ANXA7: variants seen among roughly 807,000 people sequenced by gnomAD.
ANXA7 encodes the protein annexin A7.
A neutral mutation model predicts 64.9 loss-of-function variants in ANXA7; 55 were observed. That is an observed-to-expected ratio of 0.85 (90% CI 0.68 to 1.06). The LOEUF (loss-of-function observed/expected upper bound fraction) is 1.06, where lower values mean the gene tolerates loss of function less well. Among genes scored for constraint, ANXA7 ranks in the 50% least tolerant of loss-of-function variants. ANXA7 has a pLI of 0.00. For missense variants in ANXA7, 548 were observed against 582.1 expected (o/e 0.94, Z 0.60); for synonymous variants, 200 against 192.4 (o/e 1.04, Z -0.33).
intron 1 of ANXA7, among the ~76,000 whole-genome samples, chr10:73,413,129 G>C (rs1391653537): frequency 6.6e-6 from 1 of 152,120 alleles, no homozygotes; most frequent in Admixed American, 6.5e-5. Flanking sequence ...TCCTCTGCAC[G>C]GACAGGTAGG....
intron 9 of ANXA7, among the ~76,000 whole-genome samples, chr10:73,382,190 A>G (rs899765467): frequency 2.0e-5 from 3 of 152,170 alleles, no homozygotes; most frequent in African/African-American, 7.2e-5. Context: ...TTGGCTCTTA[A>G]GAGCCCCTCC....
chr10:73,412,118 C>T (rs1332678718), intron 1 of ANXA7, among the ~76,000 whole-genome samples: 1 of 152,106 alleles, frequency 6.6e-6, no homozygotes, highest in Non-Finnish European at 1.5e-5. Context: ...CTTACTGCAA[C>T]CTCCGCCTCC....
rs764595266 is a variant in ANXA7 at position 73,376,128 on chromosome 10, G to C, written c.1368C>G (p.Tyr456Ter). The C allele has an allele frequency of 3.1e-6, 5 of 1,601,668 alleles. No homozygotes were observed. The highest frequency in any genetic ancestry group is 4.3e-6 in the Non-Finnish European group (5 of 1,175,032). The stretch of plus-strand genomic sequence containing the variant: ...CCACAATAGCCAGAAGAAGTCTTCG[G>C]TAATCTCCACTCGTGTCACCTGCAA... Reference protein sequence around the residue: ...TMIAGDTSGDYRRLLLAIVGQ With the variant: ...TMIAGDTSGD Residue 456 changes from tyrosine to a stop codon, truncating the protein, a stop_gained, in exon 13 of 13, where the codon TAC becomes TAG. Coordinates refer to ENST00000372921, the MANE Select transcript of ANXA7 (RefSeq NM_001156.5). LOFTEE classifies it high-confidence loss of function.
At chr10:73,387,309 G>A (rs1017210673) in intron 7 of ANXA7, among the ~76,000 whole-genome samples, 4 of 152,054 alleles carry the variant, frequency 2.6e-5, no homozygotes, top group African/African-American at 9.7e-5. Flanking sequence ...GAGGTCAGGA[G>A]TTAGAGACCA....
At chr10:73,409,911 G>C (rs913644248) in intron 1 of ANXA7, among the ~76,000 whole-genome samples, 1 of 152,058 alleles carries the variant, frequency 6.6e-6, no homozygotes, top group Non-Finnish European at 1.5e-5. Flanking sequence ...ACAAAAATTG[G>C]GGAATGGACA....
chr10:73,376,324 G>A, intron 12 of ANXA7, 107 bp from the exon 13 acceptor site: 4 of 1,078,614 alleles, frequency 3.7e-6, no homozygotes, highest in Non-Finnish European at 3.8e-6. Context: ...ACTTGGGGGG[G>A]AAAACACCAA....
intron 1 of ANXA7, among the ~76,000 whole-genome samples, chr10:73,406,249 C>T (rs1164954667): frequency 1.3e-5 from 2 of 152,196 alleles, no homozygotes; most frequent in African/African-American, 2.4e-5. Context: ...AGCCACTGCG[C>T]CCGGCCAAAA....
chr10:73,397,553 G>A (rs1056161043), intron 3 of ANXA7, among the ~76,000 whole-genome samples: 1 of 152,108 alleles, frequency 6.6e-6, no homozygotes, highest in African/African-American at 2.4e-5. Context: ...TACCTACCAC[G>A]TTCAAGTGAT....
Position 73,379,864 on chromosome 10 carries a change from AC to A in ANXA7, c.1165+14del. ...ATTTAAAAAGAAAATAAAGCAAAGC[AC>A]AAAAATATCTTACAGATGGTCTTCA... is the stretch of plus-strand genomic sequence containing the variant. On this transcript the variant is annotated intron_variant, in intron 11 of 12. Transcript: ENST00000372921. 6.2e-7 allele frequency: 1 copy of A among 1,612,480 alleles called. No individual in the cohort carries two copies. Among genetic ancestry groups the A allele is most frequent in the Middle Eastern group, 1.7e-4 (1 of 6,050 alleles).
At position 73,397,068 on chromosome 10, in the gene ANXA7, T is replaced by C. The variant is rs1258205446; in HGVS notation, c.370+96A>G. The C allele has an allele frequency of 9.9e-6, 5 of 502,690 alleles. No individual in the cohort carries two copies. In the East Asian group the frequency reaches 1.6e-4, roughly 16 times the overall value. 31.1% of individuals were successfully genotyped at this position (502,690 alleles called of 1,614,324 possible). On this transcript the variant is annotated intron_variant, in intron 4 of 12. Coordinates refer to ENST00000372921, the MANE Select transcript of ANXA7 (RefSeq NM_001156.5). The stretch of plus-strand genomic sequence containing the variant: ...TATTTATGGAAATATAAACATTTAT[T>C]GCAGATTATCTCAAATATAAACTAA...
chr10:73,393,900 A>G (rs1165848335), intron 5 of ANXA7, among the ~76,000 whole-genome samples: 3 of 152,262 alleles, frequency 2.0e-5, no homozygotes, highest in Non-Finnish European at 2.9e-5. Flanking sequence ...GGCAAAAGAA[A>G]CTACCATCAG....
chr10:73,391,185 A>G (rs1718112220), intron 5 of ANXA7, among the ~76,000 whole-genome samples: 1 of 151,664 alleles, frequency 6.6e-6, no homozygotes, highest in Non-Finnish European at 1.5e-5. Flanking sequence ...AAAAAAAAAA[A>G]AAGAGAGAAA....
intron 1 of ANXA7, among the ~76,000 whole-genome samples, chr10:73,406,868 C>T (rs112093254): frequency 6.6e-6 from 1 of 151,554 alleles, no homozygotes; most frequent in Non-Finnish European, 1.5e-5. Flanking sequence ...ACCACACCCA[C>T]CCTCTATTTA....
chr10:73,395,793 A>G, intron 5 of ANXA7: 1 of 534,294 alleles, frequency 1.9e-6, no homozygotes, highest in South Asian at 1.7e-5. Flanking sequence ...TCTCAAAAAA[A>G]AAAAAAAAGA....
At chr10:73,395,845 C>T (rs7096747) in intron 5 of ANXA7, 11,413 of 666,966 alleles carry the variant, frequency 0.017, 659 homozygotes, top group African/African-American at 0.15. Flanking sequence ...ATAGGAAACT[C>T]TGCAGCTAAT....
rs768293077 is a variant in ANXA7 at position 73,379,014 on chromosome 10, G to A, written c.1175C>T (p.Ala392Val). 1.1e-5 allele frequency: 17 copies of A among 1,608,696 alleles called. No homozygotes were observed. The highest frequency in any genetic ancestry group is 1.4e-5 in the Non-Finnish European group (16 of 1,177,424). Reference sequence around the variant, plus strand: ...AGCAAAGAAGGCAGGGCGGTTCAGGGCACACTGCACTGCAAGTTAGAGATG... The same window carrying A: ...AGCAAAGAAGGCAGGGCGGTTCAGGACACACTGCACTGCAAGTTAGAGATG... ...ESGLKTILQC[A>V]LNRPAFFAER... The change falls in exon 12 of 13, where the codon GCC becomes GTC. Residue 392 changes from alanine to valine, a missense_variant. Coordinates refer to ENST00000372921, the MANE Select transcript of ANXA7 (RefSeq NM_001156.5).
chr10:73,379,414 C>T (rs2055237449), intron 11 of ANXA7, among the ~76,000 whole-genome samples: 3 of 152,220 alleles, frequency 2.0e-5, no homozygotes, highest in Non-Finnish European at 4.4e-5. Context: ...CTTTGTTAGA[C>T]ATCTGTGTAT....
intron 5 of ANXA7, chr10:73,395,810 A>C: frequency 1.7e-6 from 1 of 590,302 alleles, no homozygotes; most frequent in Non-Finnish European, 3.1e-6. Context: ...AAGAAGCCAT[A>C]CGGAGTAGGG....
intron 9 of ANXA7, 102 bp from the exon 10 acceptor site, chr10:73,380,303 T>C (rs1471502285): frequency 1.7e-6 from 2 of 1,188,488 alleles, no homozygotes; most frequent in South Asian, 1.5e-5. Context: ...GACTATTTCT[T>C]TTTTTTTTGA....
Sources: gnomAD v4.1 joint callset for allele counts (sites outside exome capture counted in the v4.1 genomes callset) on GRCh38, gnomAD v4.1.1 for gene constraint, MANE v1.5 for transcripts, NCBI Gene and HGNC (gene_info 2026-07-23, HGNC 2026-07-21) for gene names.